NPHP4: variants seen among roughly 807,000 people sequenced by gnomAD.
The protein encoded by NPHP4 is nephrocystin-4.
In NPHP4, 151 loss-of-function variants were observed where a neutral mutation model predicts 155.8. The ratio of observed to expected loss-of-function variants is 0.97; its 90% confidence interval spans 0.85 to 1.11. NPHP4 has a LOEUF of 1.11. NPHP4 is among the 50% of genes least tolerant of loss of function. The probability of loss-of-function intolerance (pLI) is 0.00; values close to 1 mark genes in which losing one functional copy is unlikely to be tolerated. For missense variants in NPHP4, 1,956 were observed against 1,925.7 expected (o/e 1.02, Z -0.29); for synonymous variants, 845 against 816.8 (o/e 1.03, Z -0.59).
At chr1:5,923,424 G>A (rs1645845067) in intron 11 of NPHP4, among the ~76,000 whole-genome samples, 1 of 152,230 alleles carries the variant, frequency 6.6e-6, no homozygotes, top group Non-Finnish European at 1.5e-5. Context: ...TGTGTTCAGT[G>A]AGTTTGCACC....
intron 5 of NPHP4, 39 bp from the exon 6 acceptor site, chr1:5,961,988 A>G (rs779416654): frequency 6.5e-7 from 1 of 1,543,264 alleles, no homozygotes; most frequent in East Asian, 2.3e-5. Flanking sequence ...TGATAGCTGA[A>G]AGCAAAGGTG....
In NPHP4 at chr1:5,887,465, T is replaced by C. The variant is rs200821373; in HGVS notation, c.2306A>G (p.His769Arg). 1 of 1,612,796 alleles carries C rather than the reference T, an allele frequency of 6.2e-7. No homozygotes were observed. Among genetic ancestry groups the C allele is most frequent in the African/African-American group, 1.3e-5 (1 of 74,924 alleles). The change falls in exon 18 of 30, where the codon CAT (histidine) becomes CGT (arginine). Residue 769 changes from histidine (H) to arginine (R), a missense_variant and splice_region_variant. Transcript: ENST00000378156. ...LIGSAAVQMK[H>R]LLRQGRPAVQ... ...AGCCGGCCGGCCTTGGCGGAGGAGA[T>C]GCTGCAGAAGAGAAAAGCGCGTTCA... is the stretch of plus-strand genomic sequence containing the variant.
rs1379857216 is a variant in NPHP4 at position 5,952,719 on chromosome 1, A to G, written c.791T>C (p.Val264Ala). ...CCACACCTCCTGGAAGTGGTCCTGG[A>G]CGTGGAGCTCCAGCAGCTCTTCCTC... ...KFEEELLELH[V>A]QDHFQEGCGP... The change falls in exon 7 of 30, where the codon GTC (valine) becomes GCC (alanine). Residue 264 changes from valine (V) to alanine (A), a missense_variant. Transcript: ENST00000378156. 8 of 1,543,814 alleles carry G rather than the reference A, an allele frequency of 5.2e-6. No homozygotes were observed. The highest frequency in any genetic ancestry group is 7.0e-6 in the Non-Finnish European group (8 of 1,142,582).
rs552946616 is a variant in NPHP4, at chr1:5,865,085, C to T, written c.3816+17G>A. 5.2e-5 allele frequency: 84 copies of T among 1,612,612 alleles called. No homozygotes were observed. In the South Asian group the frequency reaches 9.1e-4, roughly 18 times the overall value. ...GGGTTGGGGAGAGGCTCAGAACAGC[C>T]CCCAGAGAGGCCGTACCTTCAGCTC... On this transcript the variant is annotated intron_variant, in intron 27 of 29. Transcript: ENST00000378156.
chr1:5,986,168 G>T lies in NPHP4; in HGVS notation c.122C>A (p.Pro41Gln), dbSNP rs754311690. 2 of 1,613,742 alleles carry T rather than the reference G, an allele frequency of 1.2e-6. No homozygotes were observed. The highest frequency in any genetic ancestry group is 1.7e-6 in the Non-Finnish European group (2 of 1,179,828). ...FQCVLKWLDG[P>Q]VIRQGVLEVL... ...ACATTTTGTTACCTGCCTAATTACCGGTCCGTCCAGCCACTTGAGGACACA... is the reference window on the plus strand; with the variant it reads ...ACATTTTGTTACCTGCCTAATTACCTGTCCGTCCAGCCACTTGAGGACACA... Residue 41 changes from proline (P) to glutamine (Q), a missense_variant, in exon 2 of 30, where the codon CCG (proline) becomes CAG (glutamine). Transcript: ENST00000378156.
rs1641358449 is a variant in NPHP4 at position 5,867,419 on chromosome 1, A to G, written c.3473-304T>C. ...GCAGGGAAGCCTGCACTCTGCTGTA[A>G]GGGGCACCTACCAGAAACACGCGGG... On this transcript the variant is annotated intron_variant, in intron 24 of 29. Transcript: ENST00000378156. This position sits in a 1 kb window ranked among gnomAD's most constrained non-coding sequence, Gnocchi z 4.1. 2 of 549,462 alleles carry G rather than the reference A, an allele frequency of 3.6e-6. No homozygotes were observed. The highest frequency in any genetic ancestry group is 6.5e-6 in the Non-Finnish European group (2 of 307,576). 34.0% of individuals were successfully genotyped at this position (549,462 alleles called of 1,614,324 possible). A position where few individuals can be genotyped will look rare whatever the true frequency, so the allele number is the denominator to read the frequency against.
Position 5,870,827 on chromosome 1 carries a change from C to A in NPHP4, c.3315+2425G>T, listed in dbSNP as rs566210623. Among the ~76,000 whole-genome samples, 9 of 152,360 alleles carry A rather than the reference C, an allele frequency of 5.9e-5. No individual in the cohort carries two copies. In the South Asian group the frequency reaches 1.9e-3, roughly 32 times the overall value. On this transcript the variant is annotated intron_variant, in intron 23 of 29. Coordinates refer to ENST00000378156, the MANE Select transcript of NPHP4 (RefSeq NM_015102.5). ...CACCAGACCAGCCCCACTGGGCACG[C>A]CCTGCAGGATAACCGCCTGTGCACT...
chr1:5,877,729 G>C (rs184504014), intron 19 of NPHP4, among the ~76,000 whole-genome samples: 4 of 152,308 alleles, frequency 2.6e-5, no homozygotes, highest in Admixed American at 2.6e-4. Flanking sequence ...CCTTCAGTGA[G>C]TGGGGGGCAG....
intron 16 of NPHP4, among the ~76,000 whole-genome samples, chr1:5,895,058 T>A (rs941867803): frequency 6.6e-6 from 1 of 152,044 alleles, no homozygotes; most frequent in Non-Finnish European, 1.5e-5. Flanking sequence ...CTGGAAACCA[T>A]CATTCTCAGC....
In NPHP4 at chr1:5,979,505, A is replaced by G. The variant is rs1654297825; in HGVS notation, c.136-1092T>C. 3.3e-5 allele frequency among the ~76,000 whole-genome samples: 5 copies of G among 152,286 alleles called. 1 individual carries two copies. In the South Asian group the frequency reaches 1.0e-3, roughly 32 times the overall value. On this transcript the variant is annotated intron_variant, in intron 2 of 29. Transcript: ENST00000378156. ...ACACGTGCTCCAGGAGCCAGCGAGA[A>G]GTGCAGGAACTATATTTAGCTATAG...
At chr1:5,959,916 C>T (rs1474339776) in intron 6 of NPHP4, among the ~76,000 whole-genome samples, 1 of 152,164 alleles carries the variant, frequency 6.6e-6, no homozygotes, top group Non-Finnish European at 1.5e-5. Context: ...CAGCTAGTTC[C>T]AAGATCAATA....
chr1:5,952,796 C>A lies in NPHP4; in HGVS notation c.714G>T (p.Thr238=). Residue 238 remains threonine, a synonymous_variant, in exon 7 of 30, where the codon ACG becomes ACT. Transcript: ENST00000378156. The part of the protein sequence containing the change: ...LRKPRLQKPI[T]GHLDDLFFTL... ...TGAAGAATAAGTCATCCAAGTGCCC[C>A]GTGATGGGCTTCTGGAGGCGAGGCT... 4 of 1,596,748 alleles carry A rather than the reference C, an allele frequency of 2.5e-6. No homozygotes were observed. Among genetic ancestry groups the A allele is most frequent in the Non-Finnish European group, 3.4e-6 (4 of 1,171,750 alleles).
At chr1:5,951,729 T>A (rs1261807366) in intron 7 of NPHP4, among the ~76,000 whole-genome samples, 4 of 152,204 alleles carry the variant, frequency 2.6e-5, no homozygotes, top group Non-Finnish European at 5.9e-5. Context: ...CTAGAAAACA[T>A]AAGCAGTCCC....
At position 5,944,090 on chromosome 1, in the gene NPHP4, G is replaced by A. The variant is rs1215424898; in HGVS notation, c.1119+3014C>T. ...AGGTTTACAGATGAAATAAAATGAT[G>A]CCTGGAATTTGTTTCAGAATAATTC... On this transcript the variant is annotated intron_variant, in intron 9 of 29. Coordinates refer to ENST00000378156, the MANE Select transcript of NPHP4 (RefSeq NM_015102.5). The surrounding 1 kb of genome is among the most constrained non-coding windows in gnomAD (Gnocchi z 4.3). Among the ~76,000 whole-genome samples, 2 of 152,186 alleles carry A rather than the reference G, an allele frequency of 1.3e-5. No individual in the cohort carries two copies. The highest frequency in any genetic ancestry group is 1.3e-4 in the Admixed American group (2 of 15,282).
At chr1:5,875,222 C>T in intron 20 of NPHP4, 122 bp from the exon 21 acceptor site, 1 of 776,326 alleles carries the variant, frequency 1.3e-6, no homozygotes, top group Non-Finnish European at 2.2e-6. Flanking sequence ...GCATCGCCAC[C>T]ACCACCCCCT....
intron 23 of NPHP4, among the ~76,000 whole-genome samples, chr1:5,871,181 C>G (rs924332825): frequency 6.6e-6 from 1 of 152,134 alleles, no homozygotes; most frequent in Non-Finnish European, 1.5e-5. Flanking sequence ...CTGGGAAAAC[C>G]CTATGTGGGG....
chr1:5,887,410 CACG>C lies in NPHP4; in HGVS notation c.2358_2360del (p.Val787del), dbSNP rs751681273. 1.3e-5 allele frequency: 21 copies of C among 1,613,334 alleles called. No individual in the cohort carries two copies. In the African/African-American group the frequency reaches 2.7e-4, roughly 21 times the overall value. ...TGTTGTCCTGCTCGTATTCAGTTGCCACGACCTCAAGCTCGTGGGAGGCCTGCA... is the reference window on the plus strand; with the variant it reads ...TGTTGTCCTGCTCGTATTCAGTTGCCACCTCAAGCTCGTGGGAGGCCTGCA... On this transcript the variant is annotated inframe_deletion, in exon 18 of 30. Transcript: ENST00000378156.
At chr1:5,917,219 G>A (rs1226480083) in intron 11 of NPHP4, among the ~76,000 whole-genome samples, 1 of 152,090 alleles carries the variant, frequency 6.6e-6, no homozygotes, top group Non-Finnish European at 1.5e-5. Context: ...AAGGCCAACT[G>A]TCCCCACCCC....
At chr1:5,966,172 C>T (rs913380748) in intron 5 of NPHP4, among the ~76,000 whole-genome samples, 2 of 152,176 alleles carry the variant, frequency 1.3e-5, no homozygotes, top group African/African-American at 4.8e-5. Context: ...GGAACCTCAT[C>T]ACTCTTCAGC....
Sources: allele counts gnomAD v4.1 joint callset (sites outside exome capture counted in the v4.1 genomes callset), GRCh38; gene constraint gnomAD v4.1.1; non-coding constraint Gnocchi (gnomAD v3.1); transcripts MANE v1.5; gene names NCBI Gene and HGNC (gene_info 2026-07-23, HGNC 2026-07-21).